Variants in LGR6 observed in about 807,000 individuals in gnomAD.
LGR6 encodes leucine rich repeat containing G protein-coupled receptor 6.
Under a neutral mutation model 69.4 loss-of-function variants are expected in LGR6, and 45 were observed. That is an observed-to-expected ratio of 0.65 (90% CI 0.51 to 0.83). The LOEUF (loss-of-function observed/expected upper bound fraction) is 0.83. Among genes scored for constraint, LGR6 ranks in the 40% least tolerant of loss-of-function variants. LGR6 has a pLI of 0.00. For missense variants in LGR6, 1,108 were observed against 1,246.7 expected (o/e 0.89, Z 1.68); for synonymous variants, 538 against 555.0 (o/e 0.97, Z 0.43).
At chr1:202,197,383 G>A (rs1205863102) in intron 1 of LGR6, 2 of 532,536 alleles carry the variant, frequency 3.8e-6, no homozygotes, top group African/African-American at 1.9e-5. Flanking sequence ...TGGGAAGACG[G>A]ACTTCAGATA....
intron 17 of LGR6, among the ~76,000 whole-genome samples, chr1:202,316,164 C>T (rs1286532677): frequency 2.6e-5 from 4 of 152,116 alleles, no homozygotes; most frequent in Non-Finnish European, 5.9e-5. Flanking sequence ...TAACAGAATA[C>T]CTAAGGCTAG....
At chr1:202,316,665 A>G (rs1009555962) in intron 17 of LGR6, among the ~76,000 whole-genome samples, 1 of 152,178 alleles carries the variant, frequency 6.6e-6, no homozygotes, top group Non-Finnish European at 1.5e-5. Flanking sequence ...GTGAAGTCTC[A>G]TGTCATTTTA....
chr1:202,238,925 C>T lies in LGR6; in HGVS notation c.428+2932C>T, dbSNP rs1368701716. ...ATCCCGAGAGCTCCCCAACAGCTAA[C>T]ACGAAGCGGTGCGTTTTAACAAGAG... On this transcript the variant is annotated intron_variant, in intron 4 of 17. Coordinates refer to ENST00000367278, the MANE Select transcript of LGR6 (RefSeq NM_001017403.2). Among the ~76,000 whole-genome samples, 8 of 152,306 alleles carry T rather than the reference C, an allele frequency of 5.3e-5. No individual in the cohort carries two copies. In the South Asian group the frequency reaches 1.7e-3, roughly 32 times the overall value.
Position 202,201,005 on chromosome 1 carries a change from T to C in LGR6, c.212+6804T>C, listed in dbSNP as rs147488419. Among the ~76,000 whole-genome samples the C allele has an allele frequency of 6.4e-4, 97 of 152,316 alleles. 1 individual carries two copies. Among genetic ancestry groups the C allele is most frequent in the African/African-American group, 2.3e-3 (95 of 41,570 alleles). On this transcript the variant is annotated intron_variant, in intron 1 of 17. Transcript: ENST00000367278. Reference sequence around the variant, plus strand: ...GTCCCATCCCCAGCCCCCGCTTCTCTGCTACAATCTTTTGTCTCCTCCAGA... The same window carrying C: ...GTCCCATCCCCAGCCCCCGCTTCTCCGCTACAATCTTTTGTCTCCTCCAGA...
At chr1:202,286,814 T>C (rs1210121515) in intron 6 of LGR6, among the ~76,000 whole-genome samples, 3 of 152,176 alleles carry the variant, frequency 2.0e-5, no homozygotes, top group African/African-American at 7.2e-5. Context: ...AATGAGTTTG[T>C]GTTGCGTTCT....
Position 202,300,835 on chromosome 1 carries a change from G to A in LGR6, c.786-14G>A. On this transcript the variant is annotated splice_polypyrimidine_tract_variant and intron_variant, in intron 7 of 17. Transcript: ENST00000367278. ...TTCTCCAAATCCTCACTGGTTCCTG[G>A]TGTTGTCTTCCAGGGGGTTCCATAA... is the stretch of plus-strand genomic sequence containing the variant. 4 of 1,597,664 alleles carry A rather than the reference G, an allele frequency of 2.5e-6. No homozygotes were observed. Among genetic ancestry groups the A allele is most frequent in the Non-Finnish European group, 3.4e-6 (4 of 1,171,608 alleles).
chr1:202,224,935 C>A (rs1488171527), intron 1 of LGR6, among the ~76,000 whole-genome samples: 1 of 152,228 alleles, frequency 6.6e-6, no homozygotes, highest in Non-Finnish European at 1.5e-5. Flanking sequence ...ACAGTCGTAC[C>A]AGTTCATGAA....
intron 5 of LGR6, among the ~76,000 whole-genome samples, chr1:202,277,872 G>C (rs548851209): frequency 6.6e-6 from 1 of 151,802 alleles, no homozygotes; most frequent in Admixed American, 6.6e-5. Context: ...GTGGGACCTG[G>C]GCCTGGAAAG....
At chr1:202,204,461 CTCCACACACACACCTCCAAACACA>C (rs1658980609) in intron 1 of LGR6, among the ~76,000 whole-genome samples, 1 of 110,014 alleles carries the variant, frequency 9.1e-6, no homozygotes, top group Non-Finnish European at 1.9e-5. Flanking sequence ...ACACACACAC[CTCCACACACACACCTCCAAACACA>C]CCTCCACACA....
At chr1:202,229,923 G>A (rs1007803693) in intron 3 of LGR6, among the ~76,000 whole-genome samples, 5 of 152,298 alleles carry the variant, frequency 3.3e-5, no homozygotes, top group African/African-American at 9.6e-5. Flanking sequence ...TCCTAGGCAC[G>A]AATTACTTTC....
intron 1 of LGR6, among the ~76,000 whole-genome samples, chr1:202,199,750 A>T (rs1658774096): frequency 6.6e-6 from 1 of 152,174 alleles, no homozygotes; most frequent in African/African-American, 2.4e-5. Context: ...TCCACTGTTG[A>T]TGAGCTGTGT....
rs369876442 is a variant in LGR6, at chr1:202,273,484, T to C, written c.429-2822T>C. ...TTGTTTTTTTTTTTTTGAGATGGAGTTTCGCTCTTGTCGCCCAGGCTGGAG... is the reference window on the plus strand; with the variant it reads ...TTGTTTTTTTTTTTTTGAGATGGAGCTTCGCTCTTGTCGCCCAGGCTGGAG... On this transcript the variant is annotated intron_variant, in intron 4 of 17. Coordinates refer to ENST00000367278, the MANE Select transcript of LGR6 (RefSeq NM_001017403.2). Among the ~76,000 whole-genome samples, 5 of 146,646 alleles carry C rather than the reference T, an allele frequency of 3.4e-5. No individual in the cohort carries two copies. The East Asian group carries it at 1.0e-3, about 29-fold the overall frequency.
chr1:202,197,612 T>C (rs1658691832), intron 1 of LGR6, among the ~76,000 whole-genome samples: 1 of 144,288 alleles, frequency 6.9e-6, no homozygotes, highest in East Asian at 2.2e-4. Context: ...TTTTTCTTTC[T>C]TCTTAAAAAA....
chr1:202,214,452 C>T (rs1659626177), intron 1 of LGR6, among the ~76,000 whole-genome samples: 1 of 151,530 alleles, frequency 6.6e-6, no homozygotes, highest in Non-Finnish European at 1.5e-5. Context: ...AGGGGCACGG[C>T]CAGGCGGGCT....
At chr1:202,236,216 C>A in intron 4 of LGR6, 1 of 561,110 alleles carries the variant, frequency 1.8e-6, no homozygotes, top group South Asian at 2.1e-5. Context: ...AAAGAGTGCT[C>A]CCACGCCCCA....
intron 11 of LGR6, 34 bp from the exon 12 acceptor site, chr1:202,305,650 T>G: frequency 6.2e-7 from 1 of 1,603,568 alleles, no homozygotes; most frequent in Non-Finnish European, 8.5e-7. Flanking sequence ...TAGCCACCAT[T>G]TCACCCCAGC....
chr1:202,217,790 G>A (rs965048248), intron 1 of LGR6, among the ~76,000 whole-genome samples: 5 of 152,132 alleles, frequency 3.3e-5, no homozygotes, highest in African/African-American at 9.7e-5. Flanking sequence ...TACCAACAAG[G>A]GAGCCAAGAA....
intron 4 of LGR6, among the ~76,000 whole-genome samples, chr1:202,238,092 TTTTG>T (rs1054568167): frequency 1.4e-5 from 2 of 147,252 alleles, no homozygotes; most frequent in African/African-American, 4.9e-5. Flanking sequence ...TTTGTTTTGT[TTTTG>T]TTTTTGTTTT....
At chr1:202,300,687 A>G (rs1667522598) in intron 7 of LGR6, among the ~76,000 whole-genome samples, 162 bp from the exon 8 acceptor site, 1 of 151,866 alleles carries the variant, frequency 6.6e-6, no homozygotes. Context: ...AGAAAGAAAA[A>G]TCACAGGCAG....
Sources: allele counts gnomAD v4.1 joint callset (sites outside exome capture counted in the v4.1 genomes callset), GRCh38; gene constraint gnomAD v4.1.1; transcripts MANE v1.5; gene names NCBI Gene and HGNC (gene_info 2026-07-23, HGNC 2026-07-21).